The following NAV1 variants were observed in gnomAD, a reference collection of about 807,000 sequenced individuals.
NAV1 encodes the protein pore membrane and/or filament interacting like protein 3.
Under a neutral mutation model 175.2 loss-of-function variants are expected in NAV1, and 18 were observed. The observed-to-expected ratio is 0.10, with a 90% CI of 0.07 to 0.15. The LOEUF is 0.15. Among genes scored for constraint, NAV1 ranks in the 10% least tolerant of loss-of-function variants. The probability of loss-of-function intolerance (pLI) is 1.00; values close to 1 mark genes in which losing one functional copy is unlikely to be tolerated. For synonymous variants in NAV1, 897 were observed against 978.7 expected (o/e 0.92, Z 1.56); for missense variants, 1,731 against 2,436.6 (o/e 0.71, Z 6.10).
chr1:201,637,515 T>C (rs1285461793), intron 2 of NAV1, among the ~76,000 whole-genome samples: 1 of 152,222 alleles, frequency 6.6e-6, no homozygotes, highest in African/African-American at 2.4e-5. Context: ...CTTGTGCTTT[T>C]CCTCATCAGG....
Position 201,642,578 on chromosome 1 carries a change from CTCTT to C in NAV1, c.5-6047_5-6044del, listed in dbSNP as rs141041452. Among the ~76,000 whole-genome samples, 48 of 69,934 alleles carry C rather than the reference CTCTT, an allele frequency of 6.9e-4. No homozygotes were observed. In the East Asian group the frequency reaches 0.011, roughly 16 times the overall value. The allele number at this position is 69,934 out of a possible 152,430, so 45.9% of individuals were successfully genotyped here. A position where few individuals can be genotyped will look rare whatever the true frequency, so the allele number is the denominator to read the frequency against. ...CTTTTTTCCCTTTCTTCCCTTCCTT[CTCTT>C]TCTTTCTTCCTTCCTCCTTTCCTTC... On this transcript the variant is annotated intron_variant, in intron 2 of 29. Coordinates refer to the NAV1 transcript ENST00000367302.
chr1:201,591,462 A>G (rs1322916817), intron 2 of NAV1, among the ~76,000 whole-genome samples: 1 of 152,156 alleles, frequency 6.6e-6, no homozygotes, highest in Non-Finnish European at 1.5e-5. Flanking sequence ...GAGTAGCCCC[A>G]GGTGCTCCCA....
chr1:201,797,814 T>TTTTTGCACATTGATCTTATA (rs1677558814), intron 15 of NAV1: 1 of 152,236 alleles, frequency 6.6e-6, no homozygotes, highest in Admixed American at 6.5e-5. Context: ...TACAATTGAT[T>TTTTTGCACATTGATCTTATA]TTTTGCACAT....
At chr1:201,652,751 G>C (rs1054828803) in intron 1 of NAV1, among the ~76,000 whole-genome samples, 55 of 147,810 alleles carry the variant, frequency 3.7e-4, no homozygotes, top group African/African-American at 1.4e-3. Flanking sequence ...CCTGGAAAAT[G>C]TTCCAAGTGG....
At chr1:201,817,425 C>A in intron 29 of NAV1, 140 bp downstream of exon 33, 2 of 689,146 alleles carry the variant, frequency 2.9e-6, no homozygotes, top group Non-Finnish European at 4.8e-6. Context: ...CCAGCCTGGG[C>A]AACATAATGA....
At chr1:201,541,291 A>G (rs1409666931) in intron 1 of NAV1, among the ~76,000 whole-genome samples, 1 of 152,226 alleles carries the variant, frequency 6.6e-6, no homozygotes, top group Non-Finnish European at 1.5e-5. Flanking sequence ...ACTAAGTAGC[A>G]TTCAAAGGCC....
chr1:201,763,488 C>T (rs934411535), intron 3 of NAV1, among the ~76,000 whole-genome samples: 2 of 152,100 alleles, frequency 1.3e-5, no homozygotes, highest in Non-Finnish European at 2.9e-5. Flanking sequence ...TTTTTTCATT[C>T]CCACTCCTGT....
intron 2 of NAV1, among the ~76,000 whole-genome samples, chr1:201,637,847 C>T (rs1668650812): frequency 6.6e-6 from 1 of 152,150 alleles, no homozygotes; most frequent in South Asian, 2.1e-4. Context: ...GGGCGATGTA[C>T]CTGGGTGGTG....
intron 7 of NAV1, among the ~76,000 whole-genome samples, chr1:201,784,498 C>T (rs1014680313): frequency 9.9e-5 from 15 of 151,974 alleles, no homozygotes; most frequent in African/African-American, 3.1e-4. Flanking sequence ...TAGTTTTCCC[C>T]TCCCTTCCCC....
chr1:201,712,878 A>G (rs1671968932), exon 2 of NAV1: 2 of 1,613,976 alleles, frequency 1.2e-6, no homozygotes, highest in Non-Finnish European at 1.7e-6. Context: ...AGAACCTGGA[A>G]GAGACCATGT....
chr1:201,578,555 G>A (rs985962457), intron 1 of NAV1, among the ~76,000 whole-genome samples: 3 of 152,130 alleles, frequency 2.0e-5, no homozygotes, highest in Admixed American at 6.5e-5. Flanking sequence ...TCCAGGCTCC[G>A]CATATGGGCT....
chr1:201,623,634 A>AG, intron 1 of NAV1, 28 bp downstream of exon 3: 2 of 986,408 alleles, frequency 2.0e-6, no homozygotes, highest in South Asian at 4.7e-5. Flanking sequence ...CAGGGAGGGA[A>AG]GGGGGAAGAG....
chr1:201,622,025 G>A (rs968961228), upstream of NAV1, among the ~76,000 whole-genome samples: 1 of 152,208 alleles, frequency 6.6e-6, no homozygotes, highest in African/African-American at 2.4e-5. Context: ...TCAAGGTCTG[G>A]AAGAGACAAG....
intron 8 of NAV1, 49 bp downstream of exon 12, chr1:201,785,400 T>C (rs16849345): frequency 0.046 from 72,434 of 1,570,860 alleles, 2,012 homozygotes; most frequent in African/African-American, 0.11. Context: ...ACTGCTGGTA[T>C]GTATGAAAAA....
intron 3 of NAV1, among the ~76,000 whole-genome samples, chr1:201,747,029 A>C (rs1673815660): frequency 6.6e-6 from 1 of 151,940 alleles, no homozygotes; most frequent in South Asian, 2.1e-4. Flanking sequence ...TGGAGACACT[A>C]TTCAGGTAGA....
intron 3 of NAV1, among the ~76,000 whole-genome samples, chr1:201,742,234 G>T (rs1264877759): frequency 6.6e-6 from 1 of 152,170 alleles, no homozygotes; most frequent in African/African-American, 2.4e-5. Context: ...TTAGGCTGAG[G>T]CCAGCAGGGA....
chr1:201,820,974 A>G (rs1442346289), exon 30 of NAV1: 1 of 152,102 alleles, frequency 6.6e-6, no homozygotes, highest in Non-Finnish European at 1.5e-5. Context: ...TATCTTTGGC[A>G]TCCATGGGGC....
intron 2 of NAV1, among the ~76,000 whole-genome samples, chr1:201,602,047 C>A (rs1667529839): frequency 6.6e-6 from 1 of 152,128 alleles, no homozygotes; most frequent in African/African-American, 2.4e-5. Context: ...CTTCCACTGA[C>A]CCACCAGAGA....
chr1:201,664,035 C>T (rs532347160), intron 1 of NAV1, among the ~76,000 whole-genome samples: 27 of 152,272 alleles, frequency 1.8e-4, no homozygotes, highest in African/African-American at 6.3e-4. Flanking sequence ...CCTAAGTCAT[C>T]GTCATTACTC....
Sources: gnomAD v4.1 joint callset for allele counts (sites outside exome capture counted in the v4.1 genomes callset) on GRCh38, gnomAD v4.1.1 for gene constraint, MANE v1.5 for transcripts, NCBI Gene and HGNC (gene_info 2026-07-23, HGNC 2026-07-21) for gene names.